Variants in LRRC9 observed in about 807,000 individuals in gnomAD.
LRRC9 encodes the protein leucine-rich repeat-containing protein 9.
Under a neutral mutation model 63.2 loss-of-function variants are expected in LRRC9, and 122 were observed. That is an observed-to-expected ratio of 1.93 (90% CI 1.67 to 2.24). LRRC9 has a LOEUF of 2.24. Ranked by LOEUF, LRRC9 falls within the 30% of genes most tolerant of loss-of-function variation. The pLI, the probability that LRRC9 is intolerant of heterozygous loss-of-function variation, is 0.00. For synonymous variants in LRRC9, 366 were observed against 213.1 expected (o/e 1.72, Z -6.25); for missense variants, 1,071 against 627.7 (o/e 1.71, Z -7.55).
At chr14:60,016,559 TC>T (rs2140270236) in intron 23 of LRRC9, 100 bp from the exon 24 acceptor site, 1 of 573,866 alleles carries the variant, frequency 1.7e-6, no homozygotes, top group African/African-American at 1.9e-5. Flanking sequence ...GTAGGAGGAA[TC>T]TGGAAAAATG....
chr14:59,994,403 A>C (rs1226583754), intron 17 of LRRC9, among the ~76,000 whole-genome samples: 19 of 152,196 alleles, frequency 1.2e-4, no homozygotes, highest in Non-Finnish European at 7.3e-5. Context: ...ACACTTTTAC[A>C]CTGTTGGTGG....
At chr14:59,947,110 T>A (rs1382541477) in intron 8 of LRRC9, among the ~76,000 whole-genome samples, 1 of 149,822 alleles carries the variant, frequency 6.7e-6, no homozygotes, top group African/African-American at 2.4e-5. Flanking sequence ...TGAACTAGTT[T>A]ACAGTCCCAC....
intron 1 of LRRC9, among the ~76,000 whole-genome samples, chr14:59,921,612 G>A (rs1250980257): frequency 6.6e-6 from 1 of 152,096 alleles, no homozygotes; most frequent in Admixed American, 6.5e-5. Flanking sequence ...GCATACATTA[G>A]GAGAAGGAGG....
chr14:59,971,927 A>T, intron 12 of LRRC9, among the ~76,000 whole-genome samples: 1 of 152,078 alleles, frequency 6.6e-6, no homozygotes, highest in East Asian at 1.9e-4. Flanking sequence ...TTCTTAAAAC[A>T]TTATTTTCAT....
chr14:60,057,981 A>G (rs182279621), exon 31 of LRRC9: 78 of 671,876 alleles, frequency 1.2e-4, no homozygotes, highest in Non-Finnish European at 1.4e-5. Context: ...GGATTCAGCC[A>G]TTACTTGGGA....
chr14:60,052,290 G>T (rs1160084724), intron 29 of LRRC9, among the ~76,000 whole-genome samples: 1 of 152,194 alleles, frequency 6.6e-6, no homozygotes, highest in Non-Finnish European at 1.5e-5. Flanking sequence ...TTCAGAATCA[G>T]TCAATACATT....
chr14:59,959,234 AG>A (rs1294413244), intron 8 of LRRC9, among the ~76,000 whole-genome samples: 11 of 152,220 alleles, frequency 7.2e-5, no homozygotes, highest in Non-Finnish European at 1.5e-4. Context: ...TAATGCAAAA[AG>A]TTCATTATGA....
rs1892992201 is a variant in LRRC9 at position 60,042,011 on chromosome 14, TCCACTCCAGA to T, written c.3990+9951_3990+9960del. Reference sequence around the variant, plus strand: ...CAGGTCTGTTGGAGTTTGCTGGAGGTCCACTCCAGACCCTGTTTGCCTGGGTATCACCAGC... The same window carrying T: ...CAGGTCTGTTGGAGTTTGCTGGAGGTCCCTGTTTGCCTGGGTATCACCAGC... On this transcript the variant is annotated intron_variant, in intron 29 of 31. Transcript: ENST00000445360. The surrounding 1 kb of genome is among the most constrained non-coding windows in gnomAD (Gnocchi z 4.2). 6.6e-6 allele frequency among the ~76,000 whole-genome samples: 1 copy of T among 152,168 alleles called. No homozygotes were observed. Among genetic ancestry groups the T allele is most frequent in the South Asian group, 2.1e-4 (1 of 4,832 alleles).
chr14:59,947,059 C>G (rs1371371943), intron 8 of LRRC9, among the ~76,000 whole-genome samples: 16 of 148,068 alleles, frequency 1.1e-4, no homozygotes, highest in Non-Finnish European at 1.8e-4. Context: ...ATTTCTAGTT[C>G]TAGATCCCTG....
At chr14:59,974,018 G>T (rs751639721) in intron 12 of LRRC9, among the ~76,000 whole-genome samples, 9 of 151,986 alleles carry the variant, frequency 5.9e-5, no homozygotes, top group Non-Finnish European at 1.0e-4. Context: ...TCTAAAAATA[G>T]AGATTTTTGG....
chr14:60,028,008 A>ACTT, exon 28 of LRRC9: 1 of 701,850 alleles, frequency 1.4e-6, no homozygotes, highest in Non-Finnish European at 2.6e-6. Context: ...CTTTATTGGC[A>ACTT]CTTCACTTGG....
chr14:59,968,383 C>G (rs1208055671), intron 12 of LRRC9, among the ~76,000 whole-genome samples: 1 of 152,148 alleles, frequency 6.6e-6, no homozygotes, highest in African/African-American at 2.4e-5. Context: ...GTGAATGTAC[C>G]TAATGCCACT....
At position 59,942,618 on chromosome 14, in the gene LRRC9, C is replaced by T. The variant is rs1418450481; in HGVS notation, c.727-1971C>T. On this transcript the variant is annotated intron_variant, in intron 7 of 31. Coordinates refer to ENST00000445360, the Ensembl canonical transcript of LRRC9. This position sits in a 1 kb window ranked among gnomAD's most constrained non-coding sequence, Gnocchi z 5.3. Reference sequence around the variant, plus strand: ...TGGCAGGTGCCTGTAATACCAGCTACTCAGGAGGCTGAGGCAGGAGAATCA... The same window carrying T: ...TGGCAGGTGCCTGTAATACCAGCTATTCAGGAGGCTGAGGCAGGAGAATCA... Among the ~76,000 whole-genome samples, 5 of 152,138 alleles carry T rather than the reference C, an allele frequency of 3.3e-5. No homozygotes were observed. Among genetic ancestry groups the T allele is most frequent in the Non-Finnish European group, 7.4e-5 (5 of 68,020 alleles).
At chr14:59,980,662 C>T (rs1315009275) in intron 15 of LRRC9, among the ~76,000 whole-genome samples, 1 of 152,204 alleles carries the variant, frequency 6.6e-6, no homozygotes, top group Admixed American at 6.5e-5. Context: ...CAGGTCCTCT[C>T]TTACAGTTTT....
intron 12 of LRRC9, among the ~76,000 whole-genome samples, chr14:59,971,628 C>T (rs219317): frequency 0.73 from 111,637 of 151,982 alleles, 43,542 homozygotes; most frequent in Non-Finnish European, 0.87. Context: ...ATCTTTTGCT[C>T]ATAAGCAGCT....
chr14:60,030,090 C>A (rs966458800), intron 28 of LRRC9, among the ~76,000 whole-genome samples: 1 of 152,038 alleles, frequency 6.6e-6, no homozygotes, highest in African/African-American at 2.4e-5. Flanking sequence ...TAGATTCATA[C>A]CAACATGGGC....
At chr14:60,036,017 C>T (rs536998657) in intron 29 of LRRC9, among the ~76,000 whole-genome samples, 1 of 152,198 alleles carries the variant, frequency 6.6e-6, no homozygotes, top group South Asian at 2.1e-4. Context: ...TGAGGACCAT[C>T]TTCCTGGCTT....
intron 26 of LRRC9, 106 bp from the exon 27 acceptor site, chr14:60,022,628 T>A (rs951523451): frequency 4.6e-5 from 19 of 410,040 alleles, no homozygotes; most frequent in African/African-American, 3.9e-4. Context: ...AATAAATTTA[T>A]ATTTTCTTAA....
intron 29 of LRRC9, among the ~76,000 whole-genome samples, chr14:60,049,463 C>T (rs1338917201): frequency 6.6e-6 from 1 of 152,166 alleles, no homozygotes; most frequent in Non-Finnish European, 1.5e-5. Flanking sequence ...GTGACAAATT[C>T]CCTCTGCATT....
Sources: allele counts gnomAD v4.1 joint callset (sites outside exome capture counted in the v4.1 genomes callset), GRCh38; gene constraint gnomAD v4.1.1; non-coding constraint Gnocchi (gnomAD v3.1); transcripts MANE v1.5; gene names NCBI Gene and HGNC (gene_info 2026-07-23, HGNC 2026-07-21).